Variants in MTUS2 observed in about 807,000 individuals in gnomAD.
MTUS2 encodes microtubule associated scaffold protein 2, also known as microtubule-associated tumor suppressor candidate 2.
MTUS2 carries 40 observed loss-of-function variants against 114.1 expected under a neutral mutation model. That is an observed-to-expected ratio of 0.35 (90% CI 0.27 to 0.46). The LOEUF (loss-of-function observed/expected upper bound fraction) is 0.46, where lower values mean the gene tolerates loss of function less well. Ranked by LOEUF, MTUS2 falls within the 20% of genes least tolerant of loss-of-function variation. MTUS2 has a pLI of 1.00. For missense variants in MTUS2, 1,679 were observed against 1,705.4 expected (o/e 0.98, Z 0.27); for synonymous variants, 688 against 672.0 (o/e 1.02, Z -0.37).
rs779711302 is a variant in MTUS2, at chr13:28,848,083, C to A, written c.-243+8233C>A. Among the ~76,000 whole-genome samples the A allele has an allele frequency of 3.9e-5, 6 of 152,150 alleles. No homozygotes were observed. In the East Asian group the frequency reaches 1.2e-3, roughly 29 times the overall value. On this transcript the variant is annotated intron_variant, in intron 2 of 15. Coordinates refer to ENST00000612955, the MANE Select transcript of MTUS2 (RefSeq NM_001033602.4). ...TGTTTTATCCACATTTCCTGTCACA[C>A]CCTCCTTTTCTAGTTCAGGGATATA...
chr13:29,332,901 CTGGG>C (rs1900863196), intron 7 of MTUS2, among the ~76,000 whole-genome samples: 1 of 152,118 alleles, frequency 6.6e-6, no homozygotes, highest in African/African-American at 2.4e-5. Flanking sequence ...TCCCAAAGTG[CTGGG>C]ATTACAGGCG....
chr13:29,317,987 C>T (rs1300765854), intron 6 of MTUS2, among the ~76,000 whole-genome samples: 3 of 152,098 alleles, frequency 2.0e-5, no homozygotes, highest in Middle Eastern at 3.2e-3. Flanking sequence ...TTTGCTTTTC[C>T]CTCTTCTTGC....
intron 2 of MTUS2, among the ~76,000 whole-genome samples, chr13:29,011,329 G>A (rs1392068533): frequency 1.3e-5 from 2 of 152,128 alleles, no homozygotes; most frequent in South Asian, 2.1e-4. Context: ...AAGCCTAAAC[G>A]CCATCCTGAA....
chr13:29,326,590 T>C (rs1427772857), intron 7 of MTUS2, among the ~76,000 whole-genome samples: 1 of 151,514 alleles, frequency 6.6e-6, no homozygotes. Flanking sequence ...AGGAGGGAGA[T>C]GAGAGAAATT....
chr13:28,819,967 G>A (rs1873771771), upstream of MTUS2, among the ~76,000 whole-genome samples: 2 of 147,448 alleles, frequency 1.4e-5, no homozygotes, highest in African/African-American at 4.9e-5. Flanking sequence ...CTCGGCGAGT[G>A]CGTCTCCGGG....
chr13:28,915,866 T>C (rs1880716678), intron 2 of MTUS2, among the ~76,000 whole-genome samples: 3 of 152,002 alleles, frequency 2.0e-5, no homozygotes, highest in Admixed American at 2.0e-4. Flanking sequence ...CAAGAAATTT[T>C]GCCCAGGCCA....
chr13:29,285,907 A>G (rs1275255345), intron 6 of MTUS2, among the ~76,000 whole-genome samples: 2 of 152,200 alleles, frequency 1.3e-5, no homozygotes, highest in African/African-American at 4.8e-5. Flanking sequence ...AACACTGGCT[A>G]TATGGTGATA....
At chr13:29,226,267 T>C (rs1896104433) in intron 5 of MTUS2, among the ~76,000 whole-genome samples, 1 of 152,260 alleles carries the variant, frequency 6.6e-6, no homozygotes, top group African/African-American at 2.4e-5. Context: ...AAATAGTTCA[T>C]TGTAGGTTTC....
intron 6 of MTUS2, among the ~76,000 whole-genome samples, chr13:29,301,102 A>G (rs757934574): frequency 3.3e-5 from 5 of 152,196 alleles, no homozygotes; most frequent in South Asian, 2.1e-4. Flanking sequence ...TTGCTAATCA[A>G]TAGTCACCCA....
chr13:29,067,544 A>G (rs541675999), intron 4 of MTUS2, among the ~76,000 whole-genome samples: 9 of 152,314 alleles, frequency 5.9e-5, no homozygotes, highest in African/African-American at 1.9e-4. Flanking sequence ...TGGAAGTCAC[A>G]TATTAATTAG....
chr13:29,255,192 A>G (rs567614975), intron 5 of MTUS2, among the ~76,000 whole-genome samples: 9 of 152,328 alleles, frequency 5.9e-5, no homozygotes, highest in African/African-American at 1.9e-4. Context: ...GAAGTGGCCA[A>G]GGGAGCTGCA....
intron 7 of MTUS2, among the ~76,000 whole-genome samples, chr13:29,347,350 G>A (rs1868795698): frequency 6.6e-6 from 1 of 152,030 alleles, no homozygotes; most frequent in African/African-American, 2.4e-5. Flanking sequence ...TTGACACACT[G>A]GGTTTTCATC....
At chr13:29,113,437 G>A (rs1215846583) in intron 5 of MTUS2, among the ~76,000 whole-genome samples, 13 of 152,194 alleles carry the variant, frequency 8.5e-5, no homozygotes, top group Admixed American at 8.5e-4. Flanking sequence ...TTGTAATAGG[G>A]CCCTCCTGTC....
At chr13:29,224,185 AG>A (rs2139333836) in intron 5 of MTUS2, among the ~76,000 whole-genome samples, 1 of 152,246 alleles carries the variant, frequency 6.6e-6, no homozygotes, top group East Asian at 1.9e-4. Context: ...CTGGCCATAA[AG>A]GTTTCTGGCC....
intron 2 of MTUS2, among the ~76,000 whole-genome samples, chr13:28,861,338 G>C (rs992298537): frequency 5.9e-5 from 9 of 152,108 alleles, no homozygotes; most frequent in African/African-American, 1.9e-4. Flanking sequence ...TGCTCTGCAT[G>C]TAGTTGAAGG....
At chr13:29,244,933 G>C (rs1233024213) in intron 5 of MTUS2, among the ~76,000 whole-genome samples, 2 of 115,528 alleles carry the variant, frequency 1.7e-5, no homozygotes, top group East Asian at 5.9e-4. Flanking sequence ...TCCAGCCTGG[G>C]CGACAGAGCG....
chr13:29,166,017 A>T (rs1406002303), intron 5 of MTUS2, among the ~76,000 whole-genome samples: 1 of 152,106 alleles, frequency 6.6e-6, no homozygotes, highest in African/African-American at 2.4e-5. Flanking sequence ...AGTGTGAGAG[A>T]TCCTTGTCGT....
At chr13:29,331,088 T>G (rs9579318) in intron 7 of MTUS2, among the ~76,000 whole-genome samples, 28,649 of 152,168 alleles carry the variant, frequency 0.19, 2,784 homozygotes, top group Middle Eastern at 0.22. Flanking sequence ...TTTTTCCATT[T>G]GTTTGTGTCC....
rs550107885 is a variant in MTUS2 at position 29,064,677 on chromosome 13, T to C, written c.2446+30552T>C. Among the ~76,000 whole-genome samples, 39 of 152,286 alleles carry C rather than the reference T, an allele frequency of 2.6e-4. 1 individual carries two copies. In the South Asian group the frequency reaches 7.3e-3, roughly 28 times the overall value. ...TTCGGGGTACATGTGCAGGTTGTTA[T>C]ATAGGTTAGCATGTGACAGGGGTTT... On this transcript the variant is annotated intron_variant, in intron 4 of 15. Transcript: ENST00000612955.
Sources: allele counts gnomAD v4.1 joint callset (sites outside exome capture counted in the v4.1 genomes callset), GRCh38; gene constraint gnomAD v4.1.1; transcripts MANE v1.5; gene names NCBI Gene and HGNC (gene_info 2026-07-23, HGNC 2026-07-21).